The following ARMCX4 variants were observed in gnomAD, a reference collection of about 807,000 sequenced individuals.
ARMCX4 encodes armadillo repeat containing X-linked 4, also known as armadillo repeat-containing X-linked protein 4.
A neutral mutation model predicts 34.7 loss-of-function variants in ARMCX4; 3 were observed. The ratio of observed to expected loss-of-function variants is 0.09; its 90% CI spans 0.04 to 0.22. The LOEUF (loss-of-function observed/expected upper bound fraction) is 0.22. ARMCX4 is among the 10% of genes least tolerant of loss of function. The pLI is 1.00. For synonymous variants in ARMCX4, 513 were observed against 632.8 expected (o/e 0.81, Z 2.84); for missense variants, 1,448 against 1,720.8 (o/e 0.84, Z 2.81).
chrX:101,432,951 C>CGTGT (rs1930261218), intron 2 of ARMCX4, among the ~76,000 whole-genome samples: 1 of 71,182 alleles, frequency 1.4e-5, no homozygotes, highest in Non-Finnish European at 2.9e-5. Flanking sequence ...TATATACACA[C>CGTGT]ATGTATACAT....
chrX:101,435,087 A>G (rs1238799096), intron 2 of ARMCX4, among the ~76,000 whole-genome samples: 6 of 111,451 alleles, frequency 5.4e-5, no homozygotes, highest in South Asian at 3.8e-4. Context: ...GAATAGTGCC[A>G]CAGTAAACAT....
rs1556008143 is a variant in ARMCX4 at position 101,489,884 on chromosome X, C to T, written c.1295C>T (p.Ala432Val). ...CCCAATGCCATGACTAAAGCAGGGGCCAAGGCAAACTTGAGGGCCAATTCC... is the reference window on the plus strand; with the variant it reads ...CCCAATGCCATGACTAAAGCAGGGGTCAAGGCAAACTTGAGGGCCAATTCC... The part of the protein sequence containing the change: ...GNPNAMTKAG[A>V]KANLRANSQV... The change falls in exon 6 of 6, where the codon GCC becomes GTC. Residue 432 changes from alanine (A) to valine (V), a missense_variant. Physicochemically the swap from Ala to Val is moderately conservative, Grantham distance 64. Coordinates refer to ENST00000423738, the MANE Select transcript of ARMCX4 (RefSeq NM_001256155.3). 8.7e-7 allele frequency: 1 copy of T among 1,155,993 alleles called. No homozygotes were observed. Among genetic ancestry groups the T allele is most frequent in the African/African-American group, 1.8e-5 (1 of 56,366 alleles).
At chrX:101,447,195 C>G (rs1555998233), downstream of ARMCX4, among the ~76,000 whole-genome samples, 1 of 112,202 alleles carries the variant, frequency 8.9e-6, no homozygotes, top group East Asian at 2.8e-4. Context: ...TAGTCACACA[C>G]TGTTGTTTTT....
At chrX:101,434,901 C>T (rs1231304714) in intron 2 of ARMCX4, among the ~76,000 whole-genome samples, 1 of 107,214 alleles carries the variant, frequency 9.3e-6, no homozygotes, top group Non-Finnish European at 1.9e-5. Context: ...GGTTTTTTGT[C>T]CTTGCGATAG....
chrX:101,486,731 C>T (rs1933737432), intron 2 of ARMCX4, among the ~76,000 whole-genome samples: 1 of 110,372 alleles, frequency 9.1e-6, no homozygotes, highest in African/African-American at 3.3e-5. Context: ...TGTTCAAGAC[C>T]AGCCTGGGCA....
At chrX:101,459,879 A>T (rs1168464310) in intron 4 of ARMCX4, among the ~76,000 whole-genome samples, 1 of 112,308 alleles carries the variant, frequency 8.9e-6, no homozygotes, top group African/African-American at 3.2e-5. Flanking sequence ...TCTATCAGTC[A>T]TTTATGGAGT....
chrX:101,519,494 G>T (rs782039191), intron 11 of ARMCX4, among the ~76,000 whole-genome samples: 6 of 111,398 alleles, frequency 5.4e-5, no homozygotes, highest in African/African-American at 2.0e-4. Context: ...AGGCACAAGG[G>T]CAGAATTTCT....
intron 4 of ARMCX4, among the ~76,000 whole-genome samples, chrX:101,477,007 AAT>A (rs1489149686): frequency 9.0e-6 from 1 of 111,639 alleles, no homozygotes; most frequent in Non-Finnish European, 1.9e-5. Flanking sequence ...CAATAGGAAA[AAT>A]ATAAGAAAAT....
intron 2 of ARMCX4, among the ~76,000 whole-genome samples, chrX:101,424,237 G>A (rs2147510473): frequency 9.0e-6 from 1 of 111,644 alleles, no homozygotes; most frequent in East Asian, 2.8e-4. Context: ...GTACCTAGAG[G>A]GTGCTGTGCT....
At chrX:101,438,623 C>T (rs1930993201) in intron 2 of ARMCX4, among the ~76,000 whole-genome samples, 1 of 111,277 alleles carries the variant, frequency 9.0e-6, no homozygotes, top group Non-Finnish European at 1.9e-5. Context: ...TTATAGGTCT[C>T]TGAGGACTTG....
At chrX:101,506,229 ATTCTACTTTCTAT>A (rs1364474140) in intron 8 of ARMCX4, among the ~76,000 whole-genome samples, 1 of 112,189 alleles carries the variant, frequency 8.9e-6, no homozygotes, top group Non-Finnish European at 1.9e-5. Flanking sequence ...GCAAAGTGCT[ATTCTACTTTCTAT>A]TTCTATGAAT....
In ARMCX4 at chrX:101,494,939, A is replaced by G. The variant is rs782379265; in HGVS notation, c.6350A>G (p.His2117Arg). The G allele has an allele frequency of 1.7e-6, 2 of 1,155,467 alleles. No homozygotes were observed. The highest frequency in any genetic ancestry group is 2.3e-6 in the Non-Finnish European group (2 of 872,384). The stretch of plus-strand genomic sequence containing the variant: ...AATATCTCAGTGGCTGCTGAAAACC[A>G]TAGGAAGGTTAAAACTTACTTAAAC... ...LNNISVAAEN[H>R]RKVKTYLNQV... The change falls in exon 6 of 6, where the codon CAT (histidine) becomes CGT (arginine). Residue 2117 changes from histidine to arginine, a missense_variant. His to Arg is a conservative substitution (Grantham distance 29, BLOSUM62 0). Coordinates refer to ENST00000423738, the MANE Select transcript of ARMCX4 (RefSeq NM_001256155.3).
At chrX:101,520,909 A>C (rs1556018937) in intron 11 of ARMCX4, among the ~76,000 whole-genome samples, 2 of 110,133 alleles carry the variant, frequency 1.8e-5, no homozygotes. Flanking sequence ...TTTTTAAAAA[A>C]ATTATTACTA....
At chrX:101,473,280 C>A (rs1450045373) in intron 4 of ARMCX4, among the ~76,000 whole-genome samples, 1 of 111,401 alleles carries the variant, frequency 9.0e-6, no homozygotes, top group Non-Finnish European at 1.9e-5. Flanking sequence ...TATATGCACC[C>A]AATACAGGAG....
chrX:101,425,417 G>A (rs1337076397), intron 2 of ARMCX4, among the ~76,000 whole-genome samples: 1 of 105,257 alleles, frequency 9.5e-6, no homozygotes, highest in Non-Finnish European at 1.9e-5. Flanking sequence ...TTTTGAGACG[G>A]AGTTTCACTC....
At chrX:101,455,646 G>T in intron 4 of ARMCX4, among the ~76,000 whole-genome samples, 1 of 111,755 alleles carries the variant, frequency 8.9e-6, no homozygotes. Flanking sequence ...ATAAAAAGAA[G>T]ATATATGAAT....
chrX:101,518,705 C>G (rs2147712497), intron 11 of ARMCX4, among the ~76,000 whole-genome samples: 1 of 110,610 alleles, frequency 9.0e-6, no homozygotes, highest in Admixed American at 9.6e-5. Context: ...AACAAACACA[C>G]AAAGATTGAA....
At chrX:101,477,430 C>CAAAAAAAAAAAAAAAAA (rs1156582627) in intron 4 of ARMCX4, among the ~76,000 whole-genome samples, 1 of 12,496 alleles carries the variant, frequency 8.0e-5, no homozygotes, top group African/African-American at 3.0e-4. Context: ...GACTCTGTCT[C>CAAAAAAAAAAAAAAAAA]AAAAAAAAAA....
intron 2 of ARMCX4, chrX:101,443,773 C>T (rs1310610034): frequency 3.1e-6 from 1 of 317,543 alleles, no homozygotes; most frequent in African/African-American, 2.7e-5. Context: ...TATTCATGCC[C>T]TGTTTCCCCT....
Sources: allele counts gnomAD v4.1 joint callset (sites outside exome capture counted in the v4.1 genomes callset), GRCh38; gene constraint gnomAD v4.1.1; transcripts MANE v1.5; gene names NCBI Gene and HGNC (gene_info 2026-07-23, HGNC 2026-07-21).